The following LENG1 variants were observed in gnomAD, a reference collection of about 807,000 sequenced individuals.
LENG1 encodes leukocyte receptor cluster member 1.
In LENG1, 35 loss-of-function variants were observed where a neutral mutation model predicts 28.8. The ratio of observed to expected loss-of-function variants is 1.22; its 90% CI spans 0.93 to 1.61. The LOEUF (loss-of-function observed/expected upper bound fraction) is 1.61, where lower values mean the gene tolerates loss of function less well. LENG1 is among the 40% of genes most tolerant of loss of function. LENG1 has a pLI of 0.00. For synonymous variants in LENG1, 170 were observed against 140.6 expected (o/e 1.21, Z -1.48); for missense variants, 404 against 348.9 (o/e 1.16, Z -1.26).
intron 3 of LENG1, 85 bp from the exon 4 acceptor site, chr19:54,156,025 T>A: frequency 1.6e-6 from 2 of 1,244,064 alleles, no homozygotes; most frequent in Non-Finnish European, 2.2e-6. Context: ...AGCTGCCGCC[T>A]GGAAGCCCCG....
Position 54,155,762 on chromosome 19 carries a change from C to G in LENG1, c.754G>C (p.Ala252Pro), listed in dbSNP as rs746828725. The stretch of plus-strand genomic sequence containing the variant: ...GGGTCCTGCTGGCGGGGGCGCCGGG[C>G]CAGCTGGGGGTTGAATTGGGAGTTG... ...RYNSQFNPQLARRPRQQDPHL... is the reference protein window; with the variant it reads ...RYNSQFNPQLPRRPRQQDPHL... Residue 252 changes from alanine to proline, a missense_variant, in exon 4 of 4, where the codon GCC becomes CCC. Coordinates refer to ENST00000222224, the MANE Select transcript of LENG1 (RefSeq NM_024316.3). 9 of 1,609,832 alleles carry G rather than the reference C, an allele frequency of 5.6e-6. No homozygotes were observed. The Admixed American group carries it at 1.2e-4, about 21-fold the overall frequency.
chr19:54,157,047 A>G, intron 2 of LENG1, 22 bp from the exon 3 acceptor site: 1 of 1,507,780 alleles, frequency 6.6e-7, no homozygotes. Context: ...AGGAAATACA[A>G]GAGATGTGAT....
chr19:54,159,004 T>C (rs981512252), intron 1 of LENG1, among the ~76,000 whole-genome samples: 15 of 152,208 alleles, frequency 9.9e-5, no homozygotes, highest in African/African-American at 3.4e-4. Context: ...AGCCCGTGTT[T>C]GTGTGTATGT....
chr19:54,155,902 C>G lies in LENG1; in HGVS notation c.614G>C (p.Arg205Pro), dbSNP rs148137418. 8 of 1,612,366 alleles carry G rather than the reference C, an allele frequency of 5.0e-6. No individual in the cohort carries two copies. In the Admixed American group the frequency reaches 5.0e-5, roughly 10 times the overall value. The change falls in exon 4 of 4, where the codon CGG (arginine) becomes CCG (proline). Residue 205 changes from arginine (R) to proline (P), a missense_variant. Arg to Pro is a moderately radical substitution (Grantham distance 103). Coordinates refer to ENST00000222224, the MANE Select transcript of LENG1 (RefSeq NM_024316.3). ...SLDQLRAERL[R>P]REAAERSRAE... ...CCGAGACCTCTCAGCTGCTTCCCTC[C>G]GCAGACGTTCAGCTCGAAGCTGGTC...
rs764267738 is a variant in LENG1 at position 54,159,580 on chromosome 19, A to G, written c.116T>C (p.Leu39Pro). 22 of 1,587,768 alleles carry G rather than the reference A, an allele frequency of 1.4e-5. No individual in the cohort carries two copies. Among genetic ancestry groups the G allele is most frequent in the Non-Finnish European group, 1.8e-5 (21 of 1,166,864 alleles). The stretch of plus-strand genomic sequence containing the variant: ...CGAGCTTACCTCTTGCTGAGCCAGC[A>G]GCACCCTCCGCTCACGCTCCTTCTC... ...EEEKERERRV[L>P]LAQQEARTEF... The change falls in exon 1 of 4, where the codon CTG (leucine) becomes CCG (proline). Residue 39 changes from leucine to proline, a missense_variant. Transcript: ENST00000222224.
chr19:54,155,293 C>A lies in LENG1; in HGVS notation c.*428G>T. On this transcript the variant is annotated 3_prime_UTR_variant, in exon 4 of 4. Transcript: ENST00000222224. ...ACCTCCTCGTCCACTCACTGACCGC[C>A]TTCTCCCCCGGCCAGGGCACCTACA... 1 of 1,612,622 alleles carries A rather than the reference C, an allele frequency of 6.2e-7. No individual in the cohort carries two copies. Among genetic ancestry groups the A allele is most frequent in the South Asian group, 1.1e-5 (1 of 90,888 alleles).
At chr19:54,157,786 C>T (rs1451891784) in intron 2 of LENG1, among the ~76,000 whole-genome samples, 1 of 152,156 alleles carries the variant, frequency 6.6e-6, no homozygotes, top group African/African-American at 2.4e-5. Context: ...AGTGCAGTGG[C>T]GCAATCTCGG....
Position 54,155,921 on chromosome 19 carries a change from G to C in LENG1, c.595C>G (p.Leu199Val). Residue 199 changes from leucine (L) to valine (V), a missense_variant, in exon 4 of 4, where the codon CTT becomes GTT. Leu to Val is a conservative substitution (Grantham distance 32, BLOSUM62 1). Coordinates refer to ENST00000222224, the MANE Select transcript of LENG1 (RefSeq NM_024316.3). ...TCCCTCCGCAGACGTTCAGCTCGAA[G>C]CTGGTCCAGGGATGGAGGCCTGTGG... is the stretch of plus-strand genomic sequence containing the variant. ...RPKEPPSLDQLRAERLRREAA... is the reference protein window; with the variant it reads ...RPKEPPSLDQVRAERLRREAA... The C allele has an allele frequency of 1.2e-6, 2 of 1,610,466 alleles. No homozygotes were observed. Among genetic ancestry groups the C allele is most frequent in the Non-Finnish European group, 1.7e-6 (2 of 1,178,810 alleles).
At position 54,155,409 on chromosome 19, in the gene LENG1, A is replaced by G. The variant is rs1262602171; in HGVS notation, c.*312T>C. On this transcript the variant is annotated 3_prime_UTR_variant, in exon 4 of 4. Coordinates refer to ENST00000222224, the MANE Select transcript of LENG1 (RefSeq NM_024316.3). ...CTGGAGGACCGGGACCTCCAGTGAC[A>G]CCGGCCCCTCCCTCTACCCACCCCC... 6.3e-7 allele frequency: 1 copy of G among 1,586,010 alleles called. No individual in the cohort carries two copies. The highest frequency in any genetic ancestry group is 8.6e-7 in the Non-Finnish European group (1 of 1,160,978).
At chr19:54,156,021 C>G (rs1012513297) in intron 3 of LENG1, 81 bp from the exon 4 acceptor site, 1 of 1,275,338 alleles carries the variant, frequency 7.8e-7, no homozygotes, top group East Asian at 2.5e-5. Context: ...AGGGAGCTGC[C>G]GCCTGGAAGC....
intron 3 of LENG1, among the ~76,000 whole-genome samples, chr19:54,156,547 G>A (rs564216998): frequency 1.4e-4 from 22 of 152,290 alleles, no homozygotes; most frequent in Admixed American, 6.5e-4. Flanking sequence ...AAGTCCACCA[G>A]TGTCAGGAAA....
intron 3 of LENG1, 135 bp downstream of exon 3, chr19:54,156,627 AG>A (rs1234959434): frequency 1.1e-6 from 1 of 915,222 alleles, no homozygotes; most frequent in African/African-American, 1.7e-5. Context: ...CCACATGCTG[AG>A]AACCACTTCT....
chr19:54,159,194 T>C (rs1040081134), intron 1 of LENG1, among the ~76,000 whole-genome samples: 3 of 152,350 alleles, frequency 2.0e-5, no homozygotes, highest in South Asian at 4.1e-4. Context: ...GCACGGCATG[T>C]AGTTAGCATA....
intron 3 of LENG1, 34 bp from the exon 4 acceptor site, chr19:54,155,974 A>G (rs2075376831): frequency 6.4e-7 from 1 of 1,557,778 alleles, no homozygotes; most frequent in East Asian, 2.3e-5. Flanking sequence ...GAAAGCTGGT[A>G]GCCCCTAGGA....
In LENG1 at chr19:54,155,518, C is replaced by A. The variant is rs369969117; in HGVS notation, c.*203G>T. On this transcript the variant is annotated 3_prime_UTR_variant, in exon 4 of 4. Coordinates refer to ENST00000222224, the MANE Select transcript of LENG1 (RefSeq NM_024316.3). Reference sequence around the variant, plus strand: ...GAGGCCCCAAGCCACGGGGCATCCCCCTCTCCCAGGAAGCAGGGAGGGGGC... The same window carrying A: ...GAGGCCCCAAGCCACGGGGCATCCCACTCTCCCAGGAAGCAGGGAGGGGGC... 1,436 of 928,524 alleles carry A rather than the reference C, an allele frequency of 1.5e-3. 2 individuals carry two copies. Among genetic ancestry groups the A allele is most frequent in the Middle Eastern group, 9.1e-3 (27 of 2,976 alleles). 57.5% of individuals were successfully genotyped at this position (928,524 alleles called of 1,614,324 possible).
chr19:54,157,924 G>A (rs1327108312), intron 2 of LENG1, among the ~76,000 whole-genome samples: 1 of 151,918 alleles, frequency 6.6e-6, no homozygotes, highest in Non-Finnish European at 1.5e-5. Flanking sequence ...TGACCAGGCT[G>A]GTCTTGAACT....
chr19:54,156,798 C>T lies in LENG1; in HGVS notation c.540G>A (p.Lys180=), dbSNP rs1294057851. The T allele has an allele frequency of 3.7e-6, 6 of 1,613,700 alleles. No individual in the cohort carries two copies. The highest frequency in any genetic ancestry group is 2.2e-5 in the East Asian group (1 of 44,868). The part of the protein sequence containing the change: ...HGGDEGSRSR[K]EKEGSEKQRP... The stretch of plus-strand genomic sequence containing the variant: ...GCTGCTTCTCAGACCCCTCCTTTTC[C>T]TTTCTGCTGCGACTGCCTTCATCAC... Residue 180 remains lysine (K), a synonymous_variant, in exon 3 of 4, where the codon AAG becomes AAA. Coordinates refer to ENST00000222224, the MANE Select transcript of LENG1 (RefSeq NM_024316.3).
intron 3 of LENG1, among the ~76,000 whole-genome samples, chr19:54,156,467 AGAGT>A (rs2075388689): frequency 6.6e-6 from 1 of 152,232 alleles, no homozygotes; most frequent in Non-Finnish European, 1.5e-5. Context: ...ATTGGCCATC[AGAGT>A]GAGGGTGTCT....
rs199911689 is a variant in LENG1 at position 54,159,564 on chromosome 19, C to T, written c.132G>A (p.Glu44=). The part of the protein sequence containing the change: ...RERRVLLAQQ[E]ARTEFLRKKA... ...CCGCCCTGCCGGCTTCCGAGCTTAC[C>T]TCTTGCTGAGCCAGCAGCACCCTCC... is the stretch of plus-strand genomic sequence containing the variant. The change falls in exon 1 of 4, where the codon GAG becomes GAA. Residue 44 remains glutamate (E), a splice_region_variant and synonymous_variant. Coordinates refer to ENST00000222224, the MANE Select transcript of LENG1 (RefSeq NM_024316.3). The T allele has an allele frequency of 1.3e-6, 2 of 1,569,216 alleles. No individual in the cohort carries two copies. The highest frequency in any genetic ancestry group is 1.7e-6 in the Non-Finnish European group (2 of 1,158,108).
Sources: gnomAD v4.1 joint callset for allele counts (sites outside exome capture counted in the v4.1 genomes callset) on GRCh38, gnomAD v4.1.1 for gene constraint, MANE v1.5 for transcripts, NCBI Gene and HGNC (gene_info 2026-07-23, HGNC 2026-07-21) for gene names.